OPLAH: variants seen among roughly 807,000 people sequenced by gnomAD.
OPLAH encodes the protein 5-oxoprolinase.
OPLAH carries 103 observed loss-of-function variants against 122.8 expected under a neutral mutation model. That is an observed-to-expected ratio of 0.84 (90% CI 0.71 to 0.99). OPLAH has a LOEUF of 0.99. Ranked by LOEUF, OPLAH falls within the 50% of genes least tolerant of loss-of-function variation. The pLI, the probability that OPLAH is intolerant of heterozygous loss-of-function variation, is 0.00. For missense variants in OPLAH, 1,902 were observed against 1,836.5 expected, an observed-to-expected ratio of 1.04 and a Z score of -0.65; for synonymous variants, 875 against 796.0, an observed-to-expected ratio of 1.10 and a Z score of -1.67.
At chr8:144,050,681 A>T, downstream of OPLAH, 1 of 985,046 alleles carries the variant, frequency 1.0e-6, no homozygotes, top group East Asian at 1.1e-4. Flanking sequence ...CGCCAAGAGC[A>T]GCCCTGGGCC....
At chr8:144,062,718 G>A (rs1318189553), upstream of OPLAH, among the ~76,000 whole-genome samples, 1 of 133,646 alleles carries the variant, frequency 7.5e-6, no homozygotes, top group Non-Finnish European at 1.5e-5. Flanking sequence ...CGCCAGGCCT[G>A]TGCTGTAGAC....
intron 10 of OPLAH, 23 bp downstream of exon 10, chr8:144,057,425 C>T (rs782628877): frequency 2.0e-5 from 32 of 1,584,202 alleles, no homozygotes; most frequent in South Asian, 4.5e-5. Context: ...GCAGGACAGG[C>T]GGGAGAGCAG....
At chr8:144,060,333 C>T (rs572302617) in intron 1 of OPLAH, among the ~76,000 whole-genome samples, 115 of 152,298 alleles carry the variant, frequency 7.6e-4, no homozygotes, top group Non-Finnish European at 1.5e-3. Flanking sequence ...ACCCAGGCAG[C>T]GGAGCAGGCA....
intron 25 of OPLAH, 34 bp downstream of exon 25, chr8:144,051,882 C>T (rs781936588): frequency 1.9e-5 from 8 of 411,186 alleles, no homozygotes; most frequent in African/African-American, 8.8e-5. Context: ...GGGGCGGGGG[C>T]GGGGAGGGCC....
At position 144,051,961 on chromosome 8, in the gene OPLAH, A is replaced by T; in HGVS notation, c.3577T>A (p.Ser1193Thr). 6.4e-7 allele frequency: 1 copy of T among 1,567,888 alleles called. No individual in the cohort carries two copies. The highest frequency in any genetic ancestry group is 1.1e-5 in the South Asian group (1 of 88,136). ...ELLFREEALL[S>T]VLTERRAFRP... ...AAGGCGCGGCGCTCGGTCAGCACTG[A>T]CAGCAGCGCCTCCTCACGAAAGAGC... Residue 1193 changes from serine (S) to threonine (T), a missense_variant, in exon 25 of 27, where the codon TCA (serine) becomes ACA (threonine). Ser to Thr is a moderately conservative substitution (Grantham distance 58). Around this residue, in one of 3 missense-constraint regions of OPLAH, gnomAD observed 1,726 missense variants for 1,642.1 expected, o/e 1.05. Coordinates refer to ENST00000618853, the MANE Select transcript of OPLAH (RefSeq NM_017570.5).
At chr8:144,054,420 G>A (rs1554758420) in intron 19 of OPLAH, 141 bp downstream of exon 19, 1 of 907,206 alleles carries the variant, frequency 1.1e-6, no homozygotes, top group African/African-American at 1.7e-5. Context: ...GCTGCCCTTT[G>A]GGGTAACCAC....
Position 144,057,929 on chromosome 8 carries a change from G to A in OPLAH, c.1089-6C>T, listed in dbSNP as rs1835565049. 6.2e-7 allele frequency: 1 copy of A among 1,611,930 alleles called. No homozygotes were observed. The highest frequency in any genetic ancestry group is 2.2e-5 in the East Asian group (1 of 44,854). On this transcript the variant is annotated splice_region_variant and splice_polypyrimidine_tract_variant and intron_variant, in intron 8 of 26. Transcript: ENST00000618853. The stretch of plus-strand genomic sequence containing the variant: ...CAACCACAAAGAGGCCAGACCTAGG[G>A]GAAGGAAGGGCTGGGGTTGGAGTTG...
intron 12 of OPLAH, 73 bp from the exon 13 acceptor site, chr8:144,056,828 G>A (rs1435711457): frequency 3.3e-6 from 5 of 1,531,952 alleles, no homozygotes; most frequent in South Asian, 1.3e-5. Context: ...GCCCGGCAAG[G>A]ACACCTGTTC....
At position 144,058,902 on chromosome 8, in the gene OPLAH, A is replaced by T; in HGVS notation, c.464-6T>A. ...CAGCAGGTCCCCCGTGCGGCCTTCC[A>T]GAAAAGCCCAGGAGGCCCCGTTAAA... On this transcript the variant is annotated splice_polypyrimidine_tract_variant and splice_region_variant and intron_variant, in intron 4 of 26. Coordinates refer to ENST00000618853, the MANE Select transcript of OPLAH (RefSeq NM_017570.5). 1 of 1,548,188 alleles carries T rather than the reference A, an allele frequency of 6.5e-7. No individual in the cohort carries two copies. The highest frequency in any genetic ancestry group is 8.7e-7 in the Non-Finnish European group (1 of 1,144,962).
chr8:144,052,255 G>T lies in OPLAH; in HGVS notation c.3375C>A (p.Gly1125=). ...GYYETVAGGA[G]AGPSWHGRSG... is the part of the protein sequence containing the mutation. ...TGCGCCCGTGCCAGCTGGGACCCGC[G>T]CCCGCGCCGCCCGCCACCGTCTCGT... The change falls in exon 24 of 27, where the codon GGC becomes GGA. Residue 1125 remains glycine, a synonymous_variant. Transcript: ENST00000618853. 1.3e-6 allele frequency: 2 copies of T among 1,539,484 alleles called. No individual in the cohort carries two copies. Among genetic ancestry groups the T allele is most frequent in the Non-Finnish European group, 1.7e-6 (2 of 1,147,694 alleles).
rs375714095 is a variant in OPLAH at position 144,057,092 on chromosome 8, C to T, written c.1562G>A (p.Gly521Glu). ...ATGCACCACGTCAGCCAGGGCCAGC[C>T]CCAGGGCCGACAGCAGCCCACTGTG... ...HRHSGLLSAL[G>E]LALADVVHEA... is the part of the protein sequence containing the mutation. Residue 521 changes from glycine to glutamate, a missense_variant, in exon 12 of 27, where the codon GGG becomes GAG. Coordinates refer to ENST00000618853, the MANE Select transcript of OPLAH (RefSeq NM_017570.5). The T allele has an allele frequency of 6.9e-6, 11 of 1,602,424 alleles. No individual in the cohort carries two copies. Among genetic ancestry groups the T allele is most frequent in the Middle Eastern group, 1.6e-4 (1 of 6,062 alleles).
intron 23 of OPLAH, 32 bp downstream of exon 23, chr8:144,052,417 G>GC: frequency 1.3e-6 from 2 of 1,523,608 alleles, no homozygotes; most frequent in African/African-American, 1.4e-5. Flanking sequence ...CACCCAGTCC[G>GC]CCCCCGAGCT....
chr8:144,052,518 G>A lies in OPLAH; in HGVS notation c.3234C>T (p.Gly1078=), dbSNP rs782607736. The A allele has an allele frequency of 1.1e-5, 17 of 1,583,940 alleles. No homozygotes were observed. The highest frequency in any genetic ancestry group is 9.4e-6 in the Non-Finnish European group (11 of 1,171,830). ...CCACGCGCTGCGACGTGAGCACGTT[G>A]CCGCCCACCACCGCCGCCTCGGGCG... is the stretch of plus-strand genomic sequence containing the variant. ...DPSPEAAVVG[G]NVLTSQRVVD... The change falls in exon 23 of 27, where the codon GGC becomes GGT. Residue 1078 remains glycine, a synonymous_variant. Coordinates refer to ENST00000618853, the MANE Select transcript of OPLAH (RefSeq NM_017570.5).
Position 144,051,564 on chromosome 8 carries a change from C to A in OPLAH, c.3721-92G>T, listed in dbSNP as rs1310139089. On this transcript the variant is annotated intron_variant, in intron 26 of 26. Coordinates refer to ENST00000618853, the MANE Select transcript of OPLAH (RefSeq NM_017570.5). ...CAGTCCCCTCCCCACCGGGCAGCGT[C>A]CATCACCCGCCCCCATGGACCACGG... 19 of 1,217,130 alleles carry A rather than the reference C, an allele frequency of 1.6e-5. No homozygotes were observed. The Admixed American group carries it at 2.5e-4, about 16-fold the overall frequency. The allele number at this position is 1,217,130 out of a possible 1,614,324, so 75.4% of individuals were successfully genotyped here. A position where few individuals can be genotyped will look rare whatever the true frequency, so the allele number is the denominator to read the frequency against.
chr8:144,057,612 G>T lies in OPLAH; in HGVS notation c.1258C>A (p.Pro420Thr). 1 of 1,593,864 alleles carries T rather than the reference G, an allele frequency of 6.3e-7. No homozygotes were observed. Among genetic ancestry groups the T allele is most frequent in the Non-Finnish European group, 8.6e-7 (1 of 1,169,444 alleles). ...TCCAGGGCTTTGCGGGAGGCCTCAG[G>T]GGAAAGTGGTTGGTTCTCTCCCGGC... ...FGPGENQPLS[P>T]EASRKALEAV... is the part of the protein sequence containing the mutation. The change falls in exon 10 of 27, where the codon CCT becomes ACT. Residue 420 changes from proline (P) to threonine (T), a missense_variant. Physicochemically the swap from Pro to Thr is conservative, Grantham distance 38 (BLOSUM62 -1). Coordinates refer to ENST00000618853, the MANE Select transcript of OPLAH (RefSeq NM_017570.5).
intron 7 of OPLAH, 24 bp downstream of exon 7, chr8:144,058,215 G>A (rs897719608): frequency 2.5e-6 from 4 of 1,604,478 alleles, no homozygotes; most frequent in Non-Finnish European, 3.4e-6. Context: ...GCCTCCCCGA[G>A]ACCCCAGCCC....
downstream of OPLAH, chr8:144,050,762 CT>C (rs2129726300): frequency 1.0e-6 from 1 of 986,698 alleles, no homozygotes; most frequent in South Asian, 4.7e-5. Flanking sequence ...GGCTGAGGCT[CT>C]GGCTGATGCC....
downstream of OPLAH, chr8:144,051,033 G>A: frequency 8.0e-7 from 1 of 1,253,952 alleles, no homozygotes; most frequent in Non-Finnish European, 1.0e-6. Flanking sequence ...TCGGCGCCTG[G>A]ACTACATCAC....
At position 144,052,886 on chromosome 8, in the gene OPLAH, A is replaced by T. The variant is rs782390280; in HGVS notation, c.3033T>A (p.Phe1011Leu). ...QISLSQGSAV[F>L]DFSGTGPEVF... ...CCTCCGGCCCAGTGCCGCTGAAGTC[A>T]AACACGGCGCTGCCCTGCGCGCCCC... Residue 1011 changes from phenylalanine (F) to leucine (L), a missense_variant, in exon 22 of 27, where the codon TTT becomes TTA. Phe to Leu is a conservative substitution (Grantham distance 22). Around this residue, in one of 3 missense-constraint regions of OPLAH, gnomAD observed 1,726 missense variants for 1,642.1 expected, o/e 1.05. Transcript: ENST00000618853. The T allele has an allele frequency of 3.5e-5, 54 of 1,556,174 alleles. No homozygotes were observed. The highest frequency in any genetic ancestry group is 4.5e-5 in the Non-Finnish European group (52 of 1,150,694).
Sources: gnomAD v4.1 joint callset for allele counts (sites outside exome capture counted in the v4.1 genomes callset) on GRCh38, gnomAD v4.1.1 for gene constraint, gnomAD v4.1.1 regional missense constraint, MANE v1.5 for transcripts, NCBI Gene and HGNC (gene_info 2026-07-23, HGNC 2026-07-21) for gene names.